Variants in C6orf89 observed in about 807,000 individuals in gnomAD.
C6orf89 encodes chromosome 6 open reading frame 89.
In C6orf89, 29 loss-of-function variants were observed where a neutral mutation model predicts 40.7. The ratio of observed to expected loss-of-function variants is 0.71; its 90% CI spans 0.53 to 0.97. The LOEUF is 0.97. Ranked by LOEUF, C6orf89 falls within the 50% of genes least tolerant of loss-of-function variation. The probability of loss-of-function intolerance (pLI) is 0.00; values close to 1 mark genes in which losing one functional copy is unlikely to be tolerated. For missense variants in C6orf89, 392 were observed against 429.1 expected, an observed-to-expected ratio of 0.91 and a Z score of 0.76; for synonymous variants, 165 against 152.2, an observed-to-expected ratio of 1.08 and a Z score of -0.62.
chr6:36,911,938 C>CA (rs58216363), intron 4 of C6orf89, among the ~76,000 whole-genome samples: 1 of 147,684 alleles, frequency 6.8e-6, no homozygotes, highest in Non-Finnish European at 1.5e-5. Context: ...GAACCCCCCC[C>CA]CCCCGACCTT....
chr6:36,913,644 G>A (rs1762203347), intron 4 of C6orf89, among the ~76,000 whole-genome samples: 1 of 152,182 alleles, frequency 6.6e-6, no homozygotes, highest in South Asian at 2.1e-4. Flanking sequence ...TACATCTTTA[G>A]CTCCACATTG....
At chr6:36,879,797 C>T (rs1459374330) in intron 2 of C6orf89, among the ~76,000 whole-genome samples, 1 of 152,052 alleles carries the variant, frequency 6.6e-6, no homozygotes, top group Non-Finnish European at 1.5e-5. Context: ...GGAACTTGAC[C>T]TCGTAACCAC....
chr6:36,877,869 A>G (rs927071752), intron 1 of C6orf89, among the ~76,000 whole-genome samples: 1 of 37,514 alleles, frequency 2.7e-5, no homozygotes, highest in African/African-American at 1.2e-4. Flanking sequence ...TCTTCTACCT[A>G]TTTTTCTATT....
Position 36,875,726 on chromosome 6 carries a change from G to A in C6orf89, c.-627-3282G>A, listed in dbSNP as rs117475462. Among the ~76,000 whole-genome samples the A allele has an allele frequency of 6.8e-4, 103 of 152,318 alleles. 3 individuals carry two copies. In the East Asian group the frequency reaches 0.018, roughly 26 times the overall value. On this transcript the variant is annotated intron_variant, in intron 1 of 9. Transcript: ENST00000359359. ...TAAGCATTTTATTGCGTATTTTCAC[G>A]CTTAATCTTCAAAATCCCACAAGGT... is the stretch of plus-strand genomic sequence containing the variant.
chr6:36,914,302 C>A lies in C6orf89; in HGVS notation c.422C>A (p.Thr141Lys). The A allele has an allele frequency of 6.2e-7, 1 of 1,613,846 alleles. No individual in the cohort carries two copies. Among genetic ancestry groups the A allele is most frequent in the Non-Finnish European group, 8.5e-7 (1 of 1,179,850 alleles). ...CTCTCAGACTTTGACCCCTGGTGGA[C>A]AAACGACTGTGAGCAGAATGAGTCA... ...RPFPDFDPWW[T>K]NDCEQNESEP... Residue 141 changes from threonine to lysine, a missense_variant, in exon 5 of 9, where the codon ACA becomes AAA. By Grantham distance (78) the Thr-to-Lys change is moderately conservative. Transcript: ENST00000480824.
chr6:36,915,556 A>G (rs971520689), intron 6 of C6orf89, among the ~76,000 whole-genome samples: 7 of 152,154 alleles, frequency 4.6e-5, no homozygotes, highest in Non-Finnish European at 7.4e-5. Context: ...AGCCCAGGCA[A>G]CATAGGGAGA....
At chr6:36,884,117 C>T (rs998012769), upstream of C6orf89, among the ~76,000 whole-genome samples, 21 of 152,118 alleles carry the variant, frequency 1.4e-4, no homozygotes, top group Non-Finnish European at 2.4e-4. The surrounding 1 kb of genome is among the most constrained non-coding windows in gnomAD (Gnocchi z 4.0). Flanking sequence ...TGAAAATTAG[C>T]CTGGCGTGGT....
chr6:36,907,853 G>A (rs563130515), intron 4 of C6orf89, among the ~76,000 whole-genome samples: 2 of 152,352 alleles, frequency 1.3e-5, no homozygotes, highest in South Asian at 2.1e-4. Flanking sequence ...GTCAAAAGCC[G>A]TAAACTAGGG....
rs149702809 is a variant in C6orf89, at chr6:36,899,607, T to C, written c.163T>C (p.Tyr55His). The C allele has an allele frequency of 2.4e-5, 38 of 1,614,024 alleles. No individual in the cohort carries two copies. Among genetic ancestry groups the C allele is most frequent in the Non-Finnish European group, 3.2e-5 (38 of 1,180,018 alleles). The change falls in exon 3 of 9, where the codon TAT becomes CAT. Residue 55 changes from tyrosine to histidine, a missense_variant. Transcript: ENST00000480824. ...KNEPQRPPPQ[Y>H]PLLIVVYKVL... ...TGAACCTCAGAGACCCCCCCCGCAG[T>C]ATCCTCTCCTTATAGTTGTGTATAA...
At chr6:36,898,943 C>G (rs1761554534) in intron 2 of C6orf89, among the ~76,000 whole-genome samples, 1 of 152,178 alleles carries the variant, frequency 6.6e-6, no homozygotes, top group South Asian at 2.1e-4. Flanking sequence ...GCCTGTTGCT[C>G]TCAGTAAATC....
In C6orf89 at chr6:36,923,485, A is replaced by G; in HGVS notation, c.*44A>G. ...GGAACAGCTTCCAGAGCCGAAAACC[A>G]GGTTGAAAGGGGAAAAATAAAAACA... On this transcript the variant is annotated 3_prime_UTR_variant, in exon 9 of 9. Transcript: ENST00000480824. 3 of 1,463,210 alleles carry G rather than the reference A, an allele frequency of 2.1e-6. No homozygotes were observed. Among genetic ancestry groups the G allele is most frequent in the Non-Finnish European group, 2.9e-6 (3 of 1,043,080 alleles). 90.6% of individuals were successfully genotyped at this position (1,463,210 alleles called of 1,614,324 possible).
chr6:36,877,740 C>T (rs1774698056), intron 1 of C6orf89, among the ~76,000 whole-genome samples: 1 of 152,206 alleles, frequency 6.6e-6, no homozygotes, highest in African/African-American at 2.4e-5. Context: ...AATCCTGAAG[C>T]CTCTATAACA....
chr6:36,915,161 G>C (rs1018162531), intron 6 of C6orf89, among the ~76,000 whole-genome samples: 3 of 152,210 alleles, frequency 2.0e-5, no homozygotes, highest in East Asian at 3.8e-4. Context: ...TAAAAGGGAT[G>C]GATGAAGAGG....
At chr6:36,872,539 A>C (rs1774534719) in intron 1 of C6orf89, among the ~76,000 whole-genome samples, 1 of 152,186 alleles carries the variant, frequency 6.6e-6, no homozygotes, top group Non-Finnish European at 1.5e-5. Flanking sequence ...GATAAGGAAG[A>C]GGCAAGAGAA....
intron 8 of C6orf89, 139 bp from the exon 9 acceptor site, chr6:36,923,207 TA>T (rs1762572248): frequency 1.6e-6 from 1 of 609,082 alleles, no homozygotes; most frequent in Non-Finnish European, 2.9e-6. Flanking sequence ...AAAAGGAAAC[TA>T]AATTAAATAG....
intron 7 of C6orf89, among the ~76,000 whole-genome samples, chr6:36,917,508 T>C (rs1329757776): frequency 6.6e-6 from 1 of 152,246 alleles, no homozygotes; most frequent in African/African-American, 2.4e-5. Flanking sequence ...ATTAAAAGCA[T>C]GCATTTTCCT....
chr6:36,913,485 G>A (rs1762197261), intron 4 of C6orf89, among the ~76,000 whole-genome samples: 1 of 152,152 alleles, frequency 6.6e-6, no homozygotes, highest in African/African-American at 2.4e-5. Flanking sequence ...GTGTACTTGT[G>A]AAGCAAGGGT....
At chr6:36,906,734 C>A (rs1761940614) in intron 4 of C6orf89, among the ~76,000 whole-genome samples, 1 of 152,146 alleles carries the variant, frequency 6.6e-6, no homozygotes, top group Admixed American at 6.5e-5. Context: ...AAGCCTCCTT[C>A]ATTGTCAAGG....
chr6:36,923,715 G>C lies in C6orf89; in HGVS notation c.*274G>C, dbSNP rs185839835. The C allele has an allele frequency of 1.4e-4, 59 of 429,130 alleles. No individual in the cohort carries two copies. The Admixed American group carries it at 2.0e-3, about 14-fold the overall frequency. The allele number at this position is 429,130 out of a possible 1,614,324, so 26.6% of individuals were successfully genotyped here. A position where few individuals can be genotyped will look rare whatever the true frequency, so the allele number is the denominator to read the frequency against. ...TGAGACTGACCTCTTCCGGGCCTTT[G>C]GACACTATGACCTTGATGCTGCCCT... On this transcript the variant is annotated 3_prime_UTR_variant, in exon 9 of 9. Transcript: ENST00000480824.
Sources: gnomAD v4.1 joint callset for allele counts (sites outside exome capture counted in the v4.1 genomes callset) on GRCh38, gnomAD v4.1.1 for gene constraint, Gnocchi (gnomAD v3.1) non-coding constraint, MANE v1.5 for transcripts, NCBI Gene and HGNC (gene_info 2026-07-23, HGNC 2026-07-21) for gene names.